Variants in LOC400499 observed in about 807,000 individuals in gnomAD.
chr16:11,413,160 C>A, the LOC400499 span, among the ~76,000 whole-genome samples: 1 of 152,136 alleles, frequency 6.6e-6, no homozygotes, highest in African/African-American at 2.4e-5. Context: ...CAGTGCCCAC[C>A]GAGGGACCTC....
the LOC400499 span, chr16:11,390,476 G>C: frequency 8.1e-7 from 1 of 1,236,918 alleles, no homozygotes; most frequent in Non-Finnish European, 1.0e-6. Flanking sequence ...GCAACAGGCA[G>C]CCACCACCCA....
At chr16:11,465,882 CAG>C in the LOC400499 span, among the ~76,000 whole-genome samples, 1 of 150,150 alleles carries the variant, frequency 6.7e-6, no homozygotes, top group African/African-American at 2.5e-5. Flanking sequence ...GAGGGAAAGA[CAG>C]GGCGAGAAAG....
the LOC400499 span, chr16:11,460,123 G>C: frequency 8.0e-7 from 1 of 1,249,020 alleles, no homozygotes; most frequent in African/African-American, 1.5e-5. Context: ...CCTCCTCATA[G>C]CCACCCACTC....
the LOC400499 span, among the ~76,000 whole-genome samples, chr16:11,414,800 C>T: frequency 1.3e-5 from 2 of 152,192 alleles, no homozygotes; most frequent in South Asian, 4.1e-4. Flanking sequence ...CTTGACTGCC[C>T]ATCTGAAGTC....
chr16:11,383,648 G>A, the LOC400499 span: 1 of 1,232,256 alleles, frequency 8.1e-7, no homozygotes, highest in East Asian at 3.2e-5. Flanking sequence ...TTACCACACT[G>A]TGGAGGAGGG....
the LOC400499 span, among the ~76,000 whole-genome samples, chr16:11,464,336 C>A: frequency 6.6e-6 from 1 of 152,264 alleles, no homozygotes; most frequent in African/African-American, 2.4e-5. Context: ...GTATCAGAGG[C>A]TGTGCAGTGC....
chr16:11,456,413 G>T, the LOC400499 span, among the ~76,000 whole-genome samples: 3 of 152,000 alleles, frequency 2.0e-5, no homozygotes, highest in Non-Finnish European at 4.4e-5. Context: ...AAATGCAAAG[G>T]CCCTGGAGTG....
the LOC400499 span, chr16:11,385,229 G>A: frequency 8.1e-7 from 1 of 1,232,280 alleles, no homozygotes; most frequent in Non-Finnish European, 1.0e-6. Context: ...TGGGGTAGAG[G>A]ATGAGGGTCT....
chr16:11,455,408 A>G, the LOC400499 span, among the ~76,000 whole-genome samples: 58,528 of 152,020 alleles, frequency 0.39, 12,734 homozygotes, highest in Non-Finnish European at 0.51. Context: ...AAAATGGCTA[A>G]AAGAATTTAG....
At chr16:11,477,928 A>C in the LOC400499 span, 3 of 399,034 alleles carry the variant, frequency 7.5e-6, no homozygotes, top group African/African-American at 6.2e-5. Flanking sequence ...TCAGCCGGGC[A>C]GGAAGGCCAG....
At chr16:11,402,835 C>T in the LOC400499 span, among the ~76,000 whole-genome samples, 1 of 152,142 alleles carries the variant, frequency 6.6e-6, no homozygotes, top group Non-Finnish European at 1.5e-5. Flanking sequence ...CATCCTGAAT[C>T]AGGAGCTGAT....
the LOC400499 span, among the ~76,000 whole-genome samples, chr16:11,438,490 G>A: frequency 6.6e-6 from 1 of 151,902 alleles, no homozygotes; most frequent in African/African-American, 2.4e-5. Flanking sequence ...TGCTATCAGG[G>A]CTGGGCGCAT....
At chr16:11,391,040 G>A in the LOC400499 span, among the ~76,000 whole-genome samples, 35 of 152,196 alleles carry the variant, frequency 2.3e-4, no homozygotes, top group African/African-American at 7.2e-4. Context: ...AATCACAGCT[G>A]TGAATAGCGC....
At chr16:11,435,016 T>C in the LOC400499 span, among the ~76,000 whole-genome samples, 1 of 152,240 alleles carries the variant, frequency 6.6e-6, no homozygotes, top group East Asian at 1.9e-4. Context: ...ATTTCACTAT[T>C]GCCCAGGCTG....
the LOC400499 span, among the ~76,000 whole-genome samples, chr16:11,397,256 T>C: frequency 1.3e-5 from 2 of 152,148 alleles, no homozygotes; most frequent in African/African-American, 4.8e-5. Context: ...GGGCCGAATC[T>C]GGCTCACTGC....
the LOC400499 span, among the ~76,000 whole-genome samples, chr16:11,449,318 C>T: frequency 3.3e-5 from 5 of 152,172 alleles, no homozygotes; most frequent in Admixed American, 1.3e-4. Context: ...CTCTCTGTTG[C>T]CCCAACCCTG....
chr16:11,455,927 C>A, the LOC400499 span, among the ~76,000 whole-genome samples: 7 of 151,812 alleles, frequency 4.6e-5, no homozygotes, highest in Admixed American at 3.9e-4. Context: ...TACAATGAGC[C>A]CCCATGGGAC....
chr16:11,379,721 C>T, the LOC400499 span, among the ~76,000 whole-genome samples: 6 of 152,186 alleles, frequency 3.9e-5, no homozygotes, highest in South Asian at 1.2e-3. Context: ...TTCTGCATGG[C>T]TTATGGTTTG....
chr16:11,417,123 AC>A, the LOC400499 span, among the ~76,000 whole-genome samples: 1 of 147,378 alleles, frequency 6.8e-6, no homozygotes, highest in Non-Finnish European at 1.5e-5. Context: ...ACCCCCCCTC[AC>A]CCTCTGTCCT....
Sources: gnomAD v4.1 joint callset for allele counts (sites outside exome capture counted in the v4.1 genomes callset) on GRCh38, gnomAD v4.1.1 for gene constraint, MANE v1.5 for transcripts.